The following TRPM6 variants were observed in gnomAD, a reference collection of about 807,000 sequenced individuals.
The protein encoded by TRPM6 is transient receptor potential cation channel subfamily M member 6.
In TRPM6, 111 loss-of-function variants were observed where a neutral mutation model predicts 247.6. The ratio of observed to expected loss-of-function variants is 0.45; its 90% CI spans 0.38 to 0.52. TRPM6 has a LOEUF of 0.52. Among genes scored for constraint, TRPM6 ranks in the 20% least tolerant of loss-of-function variants. The probability of loss-of-function intolerance (pLI) is 0.00; values close to 1 mark genes in which losing one functional copy is unlikely to be tolerated. For synonymous variants in TRPM6, 892 were observed against 853.8 expected (o/e 1.04, Z -0.78); for missense variants, 2,126 against 2,421.5 (o/e 0.88, Z 2.56).
intron 25 of TRPM6, among the ~76,000 whole-genome samples, chr9:74,767,004 G>A (rs1411557195): frequency 6.6e-6 from 1 of 152,130 alleles, no homozygotes; most frequent in African/African-American, 2.4e-5. Context: ...CATATTCAGT[G>A]GCATTGACCA....
chr9:74,793,081 G>C (rs532916719), intron 18 of TRPM6, among the ~76,000 whole-genome samples: 5 of 152,010 alleles, frequency 3.3e-5, no homozygotes, highest in Non-Finnish European at 7.4e-5. Context: ...GCTTGAACCC[G>C]GGAGGCAGAG....
In TRPM6 at chr9:74,755,493, T is replaced by A. The variant is rs779083635; in HGVS notation, c.4786-20A>T. 6.2e-7 allele frequency: 1 copy of A among 1,613,822 alleles called. No homozygotes were observed. Among genetic ancestry groups the A allele is most frequent in the Non-Finnish European group, 8.5e-7 (1 of 1,179,924 alleles). On this transcript the variant is annotated intron_variant, in intron 27 of 38. Transcript: ENST00000360774. ...TATGATCTGGAGAGAAAGACACTTG[T>A]TGGAACACAGTGACATTAATTCAAA...
At chr9:74,742,223 T>C (rs111451657) in intron 33 of TRPM6, among the ~76,000 whole-genome samples, 1 of 152,244 alleles carries the variant, frequency 6.6e-6, no homozygotes, top group African/African-American at 2.4e-5. Flanking sequence ...TATTGACATT[T>C]ATCGCTTTCT....
At chr9:74,816,162 G>A (rs1000611674) in intron 11 of TRPM6, among the ~76,000 whole-genome samples, 1 of 152,112 alleles carries the variant, frequency 6.6e-6, no homozygotes, top group African/African-American at 2.4e-5. Context: ...AGACCAGCCT[G>A]GGCAATATAA....
At chr9:74,864,504 G>T (rs533292469) in intron 1 of TRPM6, among the ~76,000 whole-genome samples, 2 of 152,276 alleles carry the variant, frequency 1.3e-5, no homozygotes, top group South Asian at 4.1e-4. Context: ...CCAAGTTCCT[G>T]TTCCACCAAC....
chr9:74,762,181 C>A lies in TRPM6; in HGVS notation c.4490G>T (p.Ser1497Ile), dbSNP rs200629945. Residue 1497 changes from serine to isoleucine, a missense_variant, in exon 26 of 39, where the codon AGC (serine) becomes ATC (isoleucine). Physicochemically the swap from Ser to Ile is moderately radical, Grantham distance 142. This residue lies in a region of TRPM6 where 717 missense variants were observed against 715.9 expected (regional missense o/e 1.00). Coordinates refer to ENST00000360774, the MANE Select transcript of TRPM6 (RefSeq NM_017662.5). The part of the protein sequence containing the change: ...SEQHQKQAQD[S>I]SLSDNSTRSA... ...TCTTGTTGAGTTATCAGATAGGGAG[C>A]TGTCCTGGGCCTGCTTCTGGTGCTG... 4 of 1,614,100 alleles carry A rather than the reference C, an allele frequency of 2.5e-6. No homozygotes were observed. The highest frequency in any genetic ancestry group is 2.7e-5 in the African/African-American group (2 of 74,948).
chr9:74,807,969 A>AT, intron 14 of TRPM6, 65 bp downstream of exon 14: 2 of 1,599,794 alleles, frequency 1.3e-6, no homozygotes, highest in East Asian at 2.2e-5. Context: ...TTCCAAGGCC[A>AT]TTTTTCCAAA....
chr9:74,741,644 C>T (rs1475358031), intron 33 of TRPM6, among the ~76,000 whole-genome samples: 2 of 151,956 alleles, frequency 1.3e-5, no homozygotes, highest in Non-Finnish European at 2.9e-5. Context: ...AATCCCAGCA[C>T]TTTGGGAGTC....
intron 1 of TRPM6, among the ~76,000 whole-genome samples, chr9:74,877,527 C>T (rs888588236): frequency 1.3e-5 from 2 of 152,092 alleles, no homozygotes; most frequent in African/African-American, 4.8e-5. Context: ...AGTCCAGCCA[C>T]CACCAGACTG....
chr9:74,753,317 G>A (rs1012733743), intron 28 of TRPM6, among the ~76,000 whole-genome samples: 1 of 151,928 alleles, frequency 6.6e-6, no homozygotes, highest in Non-Finnish European at 1.5e-5. Context: ...TAGGAGTCCT[G>A]ACTAAAAATA....
intron 23 of TRPM6, among the ~76,000 whole-genome samples, chr9:74,777,314 A>C (rs555778019): frequency 6.6e-6 from 1 of 152,190 alleles, no homozygotes; most frequent in East Asian, 1.9e-4. Context: ...TGTTTTTTTC[A>C]ATTATTTTAT....
intron 36 of TRPM6, among the ~76,000 whole-genome samples, chr9:74,734,374 A>G (rs1825624721): frequency 6.6e-6 from 1 of 152,220 alleles, no homozygotes. Context: ...GATTTTTGCT[A>G]TCGTCTGTAG....
Position 74,802,105 on chromosome 9 carries a change from G to C in TRPM6, c.1802C>G (p.Ser601Cys), listed in dbSNP as rs780608377. Reference sequence around the variant, plus strand: ...ATTGTAAGGGTAAAGAAAGCCAGTAGACTCAGGGTCATCTGATACATTTTG... The same window carrying C: ...ATTGTAAGGGTAAAGAAAGCCAGTACACTCAGGGTCATCTGATACATTTTG... ...KEQNVSDDPE[S>C]TGFLYPYNDL... Residue 601 changes from serine (S) to cysteine (C), a missense_variant, in exon 16 of 39, where the codon TCT becomes TGT. Ser to Cys is a moderately radical substitution (Grantham distance 112). This residue lies in a region of TRPM6 where 1,082 missense variants were observed against 1,307.9 expected (regional missense o/e 0.83). Coordinates refer to ENST00000360774, the MANE Select transcript of TRPM6 (RefSeq NM_017662.5). The C allele has an allele frequency of 2.5e-6, 4 of 1,614,140 alleles. No individual in the cohort carries two copies. The Admixed American group carries it at 6.7e-5, about 27-fold the overall frequency.
At chr9:74,777,116 C>T (rs942257613) in intron 23 of TRPM6, among the ~76,000 whole-genome samples, 67 of 152,244 alleles carry the variant, frequency 4.4e-4, no homozygotes, top group African/African-American at 1.4e-3. Context: ...GTTTTCTGAA[C>T]CAGCAGCAGC....
intron 25 of TRPM6, among the ~76,000 whole-genome samples, chr9:74,770,007 T>G (rs2118875602): frequency 6.6e-6 from 1 of 152,252 alleles, no homozygotes; most frequent in South Asian, 2.1e-4. Context: ...AAAGAGAAAT[T>G]CATATAACTA....
Position 74,799,906 on chromosome 9 carries a change from C to T in TRPM6, c.2238+348G>A, listed in dbSNP as rs930091646. 6 of 333,040 alleles carry T rather than the reference C, an allele frequency of 1.8e-5. 1 individual carries two copies. The highest frequency in any genetic ancestry group is 8.7e-5 in the Admixed American group (2 of 23,014). 20.6% of individuals were successfully genotyped at this position (333,040 alleles called of 1,614,324 possible). ...AAATATATTAACTAGGATGTGAGGGCGATCTGGCTGTGACATCTGTCACCC... is the reference window on the plus strand; with the variant it reads ...AAATATATTAACTAGGATGTGAGGGTGATCTGGCTGTGACATCTGTCACCC... On this transcript the variant is annotated intron_variant, in intron 17 of 38. Coordinates refer to ENST00000360774, the MANE Select transcript of TRPM6 (RefSeq NM_017662.5).
At chr9:74,795,705 T>G (rs1828072278) in intron 18 of TRPM6, among the ~76,000 whole-genome samples, 1 of 152,232 alleles carries the variant, frequency 6.6e-6, no homozygotes, top group South Asian at 2.1e-4. Flanking sequence ...GCCATCTTAC[T>G]GTAATTTAGT....
At position 74,726,370 on chromosome 9, in the gene TRPM6, C is replaced by T. The variant is rs149762659; in HGVS notation, c.5936-1624G>A. Reference sequence around the variant, plus strand: ...ACTAAAAATACAAAAATTAGCTGGGCGTGGTGGCGGGCGCCTGTAATCCCA... The same window carrying T: ...ACTAAAAATACAAAAATTAGCTGGGTGTGGTGGCGGGCGCCTGTAATCCCA... On this transcript the variant is annotated intron_variant, in intron 38 of 38. Coordinates refer to ENST00000360774, the MANE Select transcript of TRPM6 (RefSeq NM_017662.5). Among the ~76,000 whole-genome samples, 297 of 152,076 alleles carry T rather than the reference C, an allele frequency of 2.0e-3. 6 individuals are homozygous for T. The East Asian group carries it at 0.033, about 17-fold the overall frequency.
At chr9:74,871,717 A>T (rs547573695) in intron 1 of TRPM6, among the ~76,000 whole-genome samples, 1 of 152,158 alleles carries the variant, frequency 6.6e-6, no homozygotes, top group East Asian at 1.9e-4. Context: ...ACTTACGAGC[A>T]ACTTTTTTTT....
Sources: gnomAD v4.1 joint callset for allele counts (sites outside exome capture counted in the v4.1 genomes callset) on GRCh38, gnomAD v4.1.1 for gene constraint, gnomAD v4.1.1 regional missense constraint, MANE v1.5 for transcripts, NCBI Gene and HGNC (gene_info 2026-07-23, HGNC 2026-07-21) for gene names.